Variants in SMOC2 observed in about 807,000 individuals in gnomAD.
SMOC2 encodes the protein SPARC-related modular calcium-binding protein 2.
SMOC2 carries 39 observed loss-of-function variants against 61.4 expected under a neutral mutation model. That is an observed-to-expected ratio of 0.64 (90% CI 0.49 to 0.83). The LOEUF is 0.83. Ranked by LOEUF, SMOC2 falls within the 40% of genes least tolerant of loss-of-function variation. The pLI is 0.00. For synonymous variants in SMOC2, 247 were observed against 239.9 expected, an observed-to-expected ratio of 1.03 and a Z score of -0.27; for missense variants, 556 against 592.9, an observed-to-expected ratio of 0.94 and a Z score of 0.65.
At chr6:168,455,382 A>T (rs750864300) in intron 1 of SMOC2, among the ~76,000 whole-genome samples, 6 of 152,222 alleles carry the variant, frequency 3.9e-5, no homozygotes, top group African/African-American at 7.2e-5. Context: ...GAAATGATGG[A>T]TTTAGAGAGA....
At chr6:168,599,146 CACAT>C (rs1459201323) in intron 8 of SMOC2, 142 bp downstream of exon 8, 8 of 741,410 alleles carry the variant, frequency 1.1e-5, no homozygotes, top group Admixed American at 5.5e-5. Context: ...TGATACCACA[CACAT>C]ACCCACACAC....
chr6:168,508,390 G>A (rs1225501289), intron 1 of SMOC2, among the ~76,000 whole-genome samples: 6 of 152,174 alleles, frequency 3.9e-5, no homozygotes, highest in Non-Finnish European at 8.8e-5. Context: ...CCACAGTGGT[G>A]CTGACAGCCC....
chr6:168,545,285 T>G lies in SMOC2; in HGVS notation c.511+1613T>G, dbSNP rs1030702604. Among the ~76,000 whole-genome samples the G allele has an allele frequency of 2.6e-5, 4 of 151,616 alleles. No individual in the cohort carries two copies. The East Asian group carries it at 5.8e-4, about 22-fold the overall frequency. On this transcript the variant is annotated intron_variant, in intron 5 of 12. Coordinates refer to ENST00000356284, the MANE Select transcript of SMOC2 (RefSeq NM_001166412.2). ...AAAAAAAAAAATCTAGAGGAATTAG[T>G]ACATGGGCATGAAAGTGAGTTAAGG...
chr6:168,454,876 G>T (rs1562537413), intron 1 of SMOC2, among the ~76,000 whole-genome samples: 1 of 152,196 alleles, frequency 6.6e-6, no homozygotes, highest in Non-Finnish European at 1.5e-5. Flanking sequence ...TGCTACAGGT[G>T]CACATCCTGT....
chr6:168,531,638 C>T (rs1336749524), intron 4 of SMOC2, among the ~76,000 whole-genome samples: 5 of 152,162 alleles, frequency 3.3e-5, no homozygotes, highest in African/African-American at 7.2e-5. Flanking sequence ...CTGGGCATTG[C>T]GGCCCCCCAC....
In SMOC2 at chr6:168,441,353, CCCGCCACCT is replaced by C. The variant is rs1313275123; in HGVS notation, c.-9_-1del. 2.0e-6 allele frequency: 3 copies of C among 1,500,618 alleles called. No individual in the cohort carries two copies. Among genetic ancestry groups the C allele is most frequent in the African/African-American group, 2.9e-5 (2 of 68,692 alleles). The allele number at this position is 1,500,618 out of a possible 1,614,324, so 93.0% of individuals were successfully genotyped here. A position where few individuals can be genotyped will look rare whatever the true frequency, so the allele number is the denominator to read the frequency against. On this transcript the variant is annotated 5_prime_UTR_variant, in exon 1 of 13. Transcript: ENST00000356284. ...CGCAGGACGCGGCCGATCTCCCGCT[CCCGCCACCT>C]CCGCCACCATGCTGCTCCCCCAGCT...
At chr6:168,519,059 ATGTG>A (rs879262885) in intron 2 of SMOC2, among the ~76,000 whole-genome samples, 2 of 133,002 alleles carry the variant, frequency 1.5e-5, no homozygotes, top group African/African-American at 5.7e-5. Context: ...GAGCATGCAT[ATGTG>A]TGTGAGTGTA....
At chr6:168,642,497 C>T (rs761796409) in intron 9 of SMOC2, among the ~76,000 whole-genome samples, 1 of 152,210 alleles carries the variant, frequency 6.6e-6, no homozygotes, top group Non-Finnish European at 1.5e-5. Flanking sequence ...AACTGATGTA[C>T]TGTTAACCAT....
At chr6:168,585,601 C>T (rs1252975455) in intron 7 of SMOC2, among the ~76,000 whole-genome samples, 1 of 152,212 alleles carries the variant, frequency 6.6e-6, no homozygotes, top group Non-Finnish European at 1.5e-5. Context: ...AGAGTAGCCC[C>T]AGCATTTCAC....
Position 168,524,774 on chromosome 6 carries a change from A to G in SMOC2, c.257-1572A>G, listed in dbSNP as rs182695819. Among the ~76,000 whole-genome samples, 29 of 152,402 alleles carry G rather than the reference A, an allele frequency of 1.9e-4. No individual in the cohort carries two copies. The East Asian group carries it at 5.0e-3, about 26-fold the overall frequency. ...CAGACTTTAGAATAAAGCTGAAGGC[A>G]TGAAGCTGGGATGCATGGAGGAGCG... is the stretch of plus-strand genomic sequence containing the variant. On this transcript the variant is annotated intron_variant, in intron 2 of 12. Coordinates refer to ENST00000356284, the MANE Select transcript of SMOC2 (RefSeq NM_001166412.2).
At chr6:168,517,574 A>G (rs901204948) in intron 2 of SMOC2, among the ~76,000 whole-genome samples, 1 of 152,182 alleles carries the variant, frequency 6.6e-6, no homozygotes, top group African/African-American at 2.4e-5. Context: ...GCTGCCTAAG[A>G]AGCCGGAGCC....
intron 9 of SMOC2, among the ~76,000 whole-genome samples, chr6:168,633,560 C>A (rs921090504): frequency 1.5e-4 from 23 of 152,142 alleles, no homozygotes; most frequent in African/African-American, 5.5e-4. Flanking sequence ...TTAAGAATTA[C>A]CCCAAACAAA....
At chr6:168,591,715 C>T (rs1455329642) in intron 7 of SMOC2, among the ~76,000 whole-genome samples, 3 of 150,472 alleles carry the variant, frequency 2.0e-5, no homozygotes, top group South Asian at 2.1e-4. Flanking sequence ...GCCTTCATAT[C>T]GGAATTGCTT....
chr6:168,660,184 T>A (rs1458149564), intron 11 of SMOC2, among the ~76,000 whole-genome samples: 1 of 152,136 alleles, frequency 6.6e-6, no homozygotes, highest in East Asian at 1.9e-4. Context: ...ACACCCACTC[T>A]CCAAGGAACT....
chr6:168,666,588 C>A lies in SMOC2; in HGVS notation c.*150C>A. ...TGTAGAAATGAGCTATTTAAACAGACTGTTTTAATCTGTGAAAATGGAGAG... is the reference window on the plus strand; with the variant it reads ...TGTAGAAATGAGCTATTTAAACAGAATGTTTTAATCTGTGAAAATGGAGAG... On this transcript the variant is annotated 3_prime_UTR_variant, in exon 13 of 13. Transcript: ENST00000356284. 2 of 804,088 alleles carry A rather than the reference C, an allele frequency of 2.5e-6. No individual in the cohort carries two copies. The highest frequency in any genetic ancestry group is 4.0e-6 in the Non-Finnish European group (2 of 497,518). The allele number at this position is 804,088 out of a possible 1,614,324, so 49.8% of individuals were successfully genotyped here.
intron 9 of SMOC2, among the ~76,000 whole-genome samples, chr6:168,649,034 CT>C (rs1787123062): frequency 6.6e-6 from 1 of 152,214 alleles, no homozygotes; most frequent in South Asian, 2.1e-4. Context: ...GTGGCACTGC[CT>C]TTCCCCACGG....
chr6:168,543,897 T>C (rs764695270), intron 5 of SMOC2, among the ~76,000 whole-genome samples: 1 of 152,118 alleles, frequency 6.6e-6, no homozygotes, highest in Non-Finnish European at 1.5e-5. Flanking sequence ...CTCCGAGGCT[T>C]GTTTCGGGAC....
chr6:168,638,266 C>T (rs4708480), intron 9 of SMOC2, among the ~76,000 whole-genome samples: 146,205 of 152,250 alleles, frequency 0.96, 70,535 homozygotes, highest in East Asian at 1. Context: ...AAATAGAAAG[C>T]GTAAAGACAG....
chr6:168,535,161 G>A lies in SMOC2; in HGVS notation c.463+7434G>A, dbSNP rs1319140947. ...AATGTTTTGTATTTTTAGTAGAAAC[G>A]GGGTTTCACCGTGTTAGCCTGGATG... On this transcript the variant is annotated intron_variant, in intron 4 of 12. Transcript: ENST00000356284. The surrounding 1 kb of genome is among the most constrained non-coding windows in gnomAD (Gnocchi z 4.6). Among the ~76,000 whole-genome samples the A allele has an allele frequency of 2.0e-5, 3 of 151,890 alleles. No individual in the cohort carries two copies. Among genetic ancestry groups the A allele is most frequent in the East Asian group, 1.9e-4 (1 of 5,152 alleles).
Sources: gnomAD v4.1 joint callset for allele counts (sites outside exome capture counted in the v4.1 genomes callset) on GRCh38, gnomAD v4.1.1 for gene constraint, Gnocchi (gnomAD v3.1) non-coding constraint, MANE v1.5 for transcripts, NCBI Gene and HGNC (gene_info 2026-07-23, HGNC 2026-07-21) for gene names.